COP1: variants seen among roughly 807,000 people sequenced by gnomAD.
The protein encoded by COP1 is COP1 E3 ubiquitin ligase, also known as E3 ubiquitin-protein ligase COP1.
Under a neutral mutation model 101.3 loss-of-function variants are expected in COP1, and 24 were observed. That is an observed-to-expected ratio of 0.24 (90% CI 0.17 to 0.33). COP1 has a LOEUF of 0.33. Ranked by LOEUF, COP1 falls within the 10% of genes least tolerant of loss-of-function variation. The pLI is 1.00. For missense variants in COP1, 663 were observed against 906.2 expected, an observed-to-expected ratio of 0.73 and a Z score of 3.45; for synonymous variants, 347 against 341.9, an observed-to-expected ratio of 1.01 and a Z score of -0.17.
chr1:176,007,173 G>T (rs1324700622), intron 15 of COP1, among the ~76,000 whole-genome samples: 1 of 151,930 alleles, frequency 6.6e-6, no homozygotes, highest in African/African-American at 2.4e-5. Context: ...CGTAGTTCTC[G>T]AGCCTTGGTT....
intron 15 of COP1, among the ~76,000 whole-genome samples, chr1:176,019,926 T>C (rs1474112565): frequency 6.6e-6 from 1 of 152,190 alleles, no homozygotes; most frequent in African/African-American, 2.4e-5. Context: ...TTTATATATG[T>C]TCATGATTTG....
intron 17 of COP1, among the ~76,000 whole-genome samples, chr1:175,987,762 C>A (rs902113843): frequency 2.0e-5 from 3 of 152,120 alleles, no homozygotes; most frequent in Non-Finnish European, 4.4e-5. Context: ...TCTATTCAGG[C>A]ATTAGATGTA....
At chr1:175,999,443 C>T (rs1029757206) in intron 15 of COP1, among the ~76,000 whole-genome samples, 4 of 151,818 alleles carry the variant, frequency 2.6e-5, no homozygotes, top group African/African-American at 9.7e-5. Context: ...GAATCTCATT[C>T]TTTTTTTTAA....
intron 8 of COP1, among the ~76,000 whole-genome samples, chr1:176,128,003 T>C (rs1263990953): frequency 6.6e-6 from 1 of 151,110 alleles, no homozygotes; most frequent in Non-Finnish European, 1.5e-5. Context: ...TCTTTTTCTA[T>C]ATCTATGTCT....
intron 18 of COP1, among the ~76,000 whole-genome samples, chr1:175,978,421 C>T (rs1655059654): frequency 6.6e-6 from 1 of 152,112 alleles, no homozygotes; most frequent in African/African-American, 2.4e-5. Context: ...AGAGGCTGTC[C>T]ACACAGTAGT....
At chr1:176,041,329 T>C (rs577281398) in intron 14 of COP1, among the ~76,000 whole-genome samples, 3 of 132,336 alleles carry the variant, frequency 2.3e-5, no homozygotes, top group Non-Finnish European at 4.8e-5. Context: ...TCAATTTCTC[T>C]ACTTGGATTT....
At chr1:176,043,904 G>A in intron 12 of COP1, 86 bp from the exon 13 acceptor site, 2 of 809,832 alleles carry the variant, frequency 2.5e-6, no homozygotes, top group East Asian at 2.5e-5. Flanking sequence ...AGAAAGATTT[G>A]CACTATTTTA....
chr1:176,074,181 C>T (rs553617275), intron 11 of COP1, among the ~76,000 whole-genome samples: 32 of 152,262 alleles, frequency 2.1e-4, no homozygotes, highest in Non-Finnish European at 3.8e-4. Flanking sequence ...CCTGCCTCGG[C>T]CCCGCAAAGT....
intron 18 of COP1, among the ~76,000 whole-genome samples, chr1:175,979,784 T>A (rs749885355): frequency 7.9e-5 from 12 of 152,122 alleles, no homozygotes; most frequent in African/African-American, 2.9e-4. Context: ...CCATTTAGTT[T>A]CAAGTGAGCC....
Position 175,982,062 on chromosome 1 carries a change from G to T in COP1, c.2133+4881C>A, listed in dbSNP as rs796976861. ...AGAATGTGGAGAAAAGAGAACTCTTGTAACGTTGGTGGGAATGTAAATCAG... is the reference window on the plus strand; with the variant it reads ...AGAATGTGGAGAAAAGAGAACTCTTTTAACGTTGGTGGGAATGTAAATCAG... On this transcript the variant is annotated intron_variant, in intron 18 of 19. Transcript: ENST00000367669. Among the ~76,000 whole-genome samples the T allele has an allele frequency of 3.3e-5, 5 of 151,936 alleles. No individual in the cohort carries two copies. The South Asian group carries it at 8.3e-4, about 25-fold the overall frequency.
intron 1 of COP1, among the ~76,000 whole-genome samples, chr1:176,186,079 A>G (rs926040380): frequency 6.6e-6 from 1 of 152,148 alleles, no homozygotes; most frequent in Non-Finnish European, 1.5e-5. Context: ...CCAGCTACAA[A>G]GGGACCCATA....
intron 15 of COP1, among the ~76,000 whole-genome samples, chr1:175,993,615 GAT>G (rs1407406075): frequency 1.3e-5 from 2 of 152,208 alleles, no homozygotes; most frequent in African/African-American, 4.8e-5. Context: ...CTCAGGAGCC[GAT>G]GAGATGAACT....
intron 15 of COP1, among the ~76,000 whole-genome samples, chr1:176,022,490 A>C (rs974871875): frequency 1.1e-4 from 16 of 152,364 alleles, no homozygotes; most frequent in Middle Eastern, 3.4e-3. Flanking sequence ...TATCGCTCTC[A>C]GTGGTAAACT....
rs556684072 is a variant in COP1, at chr1:176,150,898, A to T, written c.763-1824T>A. Among the ~76,000 whole-genome samples the T allele has an allele frequency of 7.9e-5, 12 of 152,312 alleles. No homozygotes were observed. The East Asian group carries it at 2.3e-3, about 29-fold the overall frequency. ...TTAATCTTTTTAAAGGAAGAATTTC[A>T]AGAAAAGAGATGAATGGCAAATATG... On this transcript the variant is annotated intron_variant, in intron 5 of 19. Transcript: ENST00000367669.
intron 18 of COP1, chr1:175,982,211 T>A (rs10798430): frequency 0.96 from 294,347 of 306,726 alleles, 141,838 homozygotes; most frequent in East Asian, 1. Flanking sequence ...TAAAATTAGG[T>A]TACAGAAAAA....
intron 1 of COP1, among the ~76,000 whole-genome samples, chr1:176,191,115 T>C (rs1699076197): frequency 1.3e-5 from 2 of 152,054 alleles, no homozygotes. Flanking sequence ...TTTACATGCA[T>C]TATATACTCT....
chr1:176,127,055 T>C (rs1030587648), intron 8 of COP1, among the ~76,000 whole-genome samples: 9 of 152,158 alleles, frequency 5.9e-5, no homozygotes, highest in African/African-American at 2.2e-4. Context: ...TTCACAAATA[T>C]ATCCCAGCGC....
intron 9 of COP1, among the ~76,000 whole-genome samples, chr1:176,097,124 G>A (rs1381081331): frequency 6.6e-6 from 1 of 152,092 alleles, no homozygotes; most frequent in South Asian, 2.1e-4. Flanking sequence ...GGATTTAAAA[G>A]GATTTTCTTA....
At chr1:176,201,294 T>C (rs906389906) in intron 1 of COP1, among the ~76,000 whole-genome samples, 1 of 152,158 alleles carries the variant, frequency 6.6e-6, no homozygotes, top group Non-Finnish European at 1.5e-5. Flanking sequence ...AAAAAGACGA[T>C]GGGCTAATTC....
Sources: gnomAD v4.1 joint callset for allele counts (sites outside exome capture counted in the v4.1 genomes callset) on GRCh38, gnomAD v4.1.1 for gene constraint, MANE v1.5 for transcripts, NCBI Gene and HGNC (gene_info 2026-07-23, HGNC 2026-07-21) for gene names.